Variants in NFKB1 observed in about 807,000 individuals in gnomAD.
The protein encoded by NFKB1 is nuclear factor kappa B subunit 1, also known as nuclear factor NF-kappa-B p105 subunit.
A neutral mutation model predicts 105.1 loss-of-function variants in NFKB1; 9 were observed. The observed-to-expected ratio is 0.09, with a 90% CI of 0.05 to 0.15. NFKB1 has a LOEUF of 0.15. Among genes scored for constraint, NFKB1 ranks in the 10% least tolerant of loss-of-function variants. The probability of loss-of-function intolerance (pLI) is 1.00; values close to 1 mark genes in which losing one functional copy is unlikely to be tolerated. For missense variants in NFKB1, 830 were observed against 1,203.7 expected (o/e 0.69, Z 4.59); for synonymous variants, 440 against 442.2 (o/e 1.00, Z 0.06).
chr4:102,612,453 T>C lies in NFKB1; in HGVS notation c.2439T>C (p.Ala813=), dbSNP rs771364677. ...LLAQGDMKQL[A]EDVKLQLYKL... is the part of the protein sequence containing the mutation. ...CTTCAGGAGACATGAAACAGCTGGC[T>C]GAAGATGTGAAGCTGCAGCTGTATA... The change falls in exon 22 of 24, where the codon GCT becomes GCC. Residue 813 remains alanine (A), a synonymous_variant. Coordinates refer to ENST00000226574, the MANE Select transcript of NFKB1 (RefSeq NM_003998.4). 3.6e-5 allele frequency: 58 copies of C among 1,613,082 alleles called. No individual in the cohort carries two copies. Among genetic ancestry groups the C allele is most frequent in the Non-Finnish European group, 7.6e-6 (9 of 1,180,018 alleles).
chr4:102,577,027 C>T lies in NFKB1; in HGVS notation c.559C>T (p.Arg187Trp). The T allele has an allele frequency of 1.9e-6, 3 of 1,609,998 alleles. No individual in the cohort carries two copies. The highest frequency in any genetic ancestry group is 1.7e-6 in the Non-Finnish European group (2 of 1,178,888). The change falls in exon 7 of 24, where the codon CGG becomes TGG. Residue 187 changes from arginine (R) to tryptophan (W), a missense_variant. By Grantham distance (101) the Arg-to-Trp change is moderately radical (BLOSUM62 -3). Around this residue, in one of 8 missense-constraint regions of NFKB1, gnomAD observed 80 missense variants for 122.6 expected, o/e 0.65. Transcript: ENST00000226574. Reference sequence around the variant, plus strand: ...TTTGCAAGCAGAAGGTGGAGGGGACCGGCAGCTGGGAGGTAAGCATCATTT... The same window carrying T: ...TTTGCAAGCAGAAGGTGGAGGGGACTGGCAGCTGGGAGGTAAGCATCATTT... The part of the protein sequence containing the change: ...AYLQAEGGGD[R>W]QLGDREKELI...
intron 13 of NFKB1, 51 bp downstream of exon 13, chr4:102,595,032 C>G: frequency 1.6e-6 from 2 of 1,265,402 alleles, no homozygotes; most frequent in South Asian, 2.5e-5. Flanking sequence ...ATAATTAATG[C>G]TAAAAAGGGT....
At chr4:102,551,367 T>TGCGC (rs10585671) in intron 5 of NFKB1, among the ~76,000 whole-genome samples, 54 of 150,200 alleles carry the variant, frequency 3.6e-4, no homozygotes, top group African/African-American at 1.1e-3. Context: ...TGTGTGTGTG[T>TGCGC]GCGCGCGCGC....
rs761987981 is a variant in NFKB1, at chr4:102,616,605, A to T, written c.*11A>T. Reference sequence around the variant, plus strand: ...GAAGGCAAAATTTAGCCTGCTGACAATTTCCCACACCGTGTAAACCAAAGC... The same window carrying T: ...GAAGGCAAAATTTAGCCTGCTGACATTTTCCCACACCGTGTAAACCAAAGC... On this transcript the variant is annotated 3_prime_UTR_variant, in exon 24 of 24. Coordinates refer to ENST00000226574, the MANE Select transcript of NFKB1 (RefSeq NM_003998.4). 1.9e-6 allele frequency: 3 copies of T among 1,613,086 alleles called. No homozygotes were observed. The highest frequency in any genetic ancestry group is 2.5e-6 in the Non-Finnish European group (3 of 1,179,624).
chr4:102,545,349 C>G (rs1034596567), intron 5 of NFKB1, among the ~76,000 whole-genome samples: 1 of 152,112 alleles, frequency 6.6e-6, no homozygotes, highest in Non-Finnish European at 1.5e-5. Context: ...ATGCTTTTTG[C>G]CTTTAGGTCC....
intron 19 of NFKB1, among the ~76,000 whole-genome samples, chr4:102,609,607 ATC>A (rs1728197600): frequency 9.1e-6 from 1 of 109,730 alleles, no homozygotes; most frequent in Non-Finnish European, 1.8e-5. Context: ...GCAAGACTCC[ATC>A]TCAAAAAAAA....
intron 11 of NFKB1, among the ~76,000 whole-genome samples, chr4:102,588,262 T>C (rs1233085162): frequency 1.3e-5 from 2 of 152,078 alleles, no homozygotes; most frequent in Non-Finnish European, 2.9e-5. Flanking sequence ...AGGTAAGACA[T>C]TATACATAAA....
chr4:102,578,724 A>G, intron 7 of NFKB1, 157 bp from the exon 8 acceptor site: 1 of 669,804 alleles, frequency 1.5e-6, no homozygotes, highest in Non-Finnish European at 2.4e-6. Flanking sequence ...GACATAAATG[A>G]GACTGTTTTT....
At chr4:102,552,108 A>G (rs1722664741) in intron 5 of NFKB1, among the ~76,000 whole-genome samples, 1 of 152,200 alleles carries the variant, frequency 6.6e-6, no homozygotes, top group South Asian at 2.1e-4. Context: ...GCACTCTGTG[A>G]TGAAAGGCCA....
intron 5 of NFKB1, among the ~76,000 whole-genome samples, chr4:102,566,702 C>T (rs1037359528): frequency 2.0e-5 from 3 of 152,154 alleles, no homozygotes; most frequent in Non-Finnish European, 2.9e-5. Context: ...ACAGCATCCT[C>T]TAAGATGTGT....
At chr4:102,576,053 T>C (rs957861088) in intron 6 of NFKB1, among the ~76,000 whole-genome samples, 80 of 152,346 alleles carry the variant, frequency 5.3e-4, no homozygotes, top group African/African-American at 1.9e-3. Flanking sequence ...ATTTCAAAAG[T>C]GAATGGCTGG....
chr4:102,592,626 A>C (rs1726267282), intron 11 of NFKB1, among the ~76,000 whole-genome samples: 2 of 152,194 alleles, frequency 1.3e-5, no homozygotes, highest in Admixed American at 1.3e-4. Flanking sequence ...TGTAAACATA[A>C]TTTTTTTGTG....
At chr4:102,535,932 T>C (rs1403698453) in intron 4 of NFKB1, among the ~76,000 whole-genome samples, 1 of 151,770 alleles carries the variant, frequency 6.6e-6, no homozygotes, top group Non-Finnish European at 1.5e-5. Context: ...GATTCTTTTT[T>C]CTTTGGGACC....
intron 6 of NFKB1, among the ~76,000 whole-genome samples, 175 bp downstream of exon 6, chr4:102,567,310 G>A (rs1429593238): frequency 6.6e-6 from 1 of 152,152 alleles, no homozygotes; most frequent in Non-Finnish European, 1.5e-5. Flanking sequence ...GTGACCACAT[G>A]TCTGGATTTG....
intron 10 of NFKB1, 135 bp downstream of exon 10, chr4:102,583,092 G>A: frequency 1.9e-6 from 1 of 527,432 alleles, no homozygotes; most frequent in East Asian, 3.0e-5. Flanking sequence ...GGATCCTCCT[G>A]TCTCAACCTA....
At chr4:102,551,367 T>TGTGTGTGTGTGCGCGCGC (rs370790173) in intron 5 of NFKB1, among the ~76,000 whole-genome samples, 1 of 150,094 alleles carries the variant, frequency 6.7e-6, no homozygotes, top group Admixed American at 6.6e-5. Context: ...TGTGTGTGTG[T>TGTGTGTGTGTGCGCGCGC]GCGCGCGCGC....
Position 102,597,649 on chromosome 4 carries a change from A to C in NFKB1, c.1625A>C (p.Glu542Ala). 6.2e-7 allele frequency: 1 copy of C among 1,612,546 alleles called. No individual in the cohort carries two copies. The highest frequency in any genetic ancestry group is 8.5e-7 in the Non-Finnish European group (1 of 1,179,226). ...CGCCATCTCACTGCTGTGCAGGATG[A>C]GAATGGGGACAGGTAAGTCAGAACT... ...VQRHLTAVQD[E>A]NGDSVLHLAI... is the part of the protein sequence containing the mutation. Residue 542 changes from glutamate (E) to alanine (A), a missense_variant, in exon 15 of 24, where the codon GAG becomes GCG. Glu to Ala is a moderately radical substitution (Grantham distance 107). Around this residue, in one of 8 missense-constraint regions of NFKB1, gnomAD observed 418 missense variants for 575.3 expected, o/e 0.73. Coordinates refer to ENST00000226574, the MANE Select transcript of NFKB1 (RefSeq NM_003998.4).
chr4:102,562,888 T>C (rs1308484884), intron 5 of NFKB1, among the ~76,000 whole-genome samples: 1 of 152,080 alleles, frequency 6.6e-6, no homozygotes, highest in Admixed American at 6.6e-5. Flanking sequence ...ATTACCATTG[T>C]CATCATCATC....
chr4:102,575,667 G>A (rs149295001), intron 6 of NFKB1, among the ~76,000 whole-genome samples: 9 of 151,982 alleles, frequency 5.9e-5, no homozygotes, highest in Admixed American at 2.6e-4. Flanking sequence ...CTTCCCCATC[G>A]CTTCCTTCAA....
Sources: allele counts gnomAD v4.1 joint callset (sites outside exome capture counted in the v4.1 genomes callset), GRCh38; gene constraint gnomAD v4.1.1; regional missense constraint gnomAD v4.1.1; transcripts MANE v1.5; gene names NCBI Gene and HGNC (gene_info 2026-07-23, HGNC 2026-07-21).